Variants in DMXL2 observed in about 807,000 individuals in gnomAD.
The protein encoded by DMXL2 is dmX-like protein 2.
DMXL2 carries 103 observed loss-of-function variants against 331.1 expected under a neutral mutation model. The ratio of observed to expected loss-of-function variants is 0.31; its 90% CI spans 0.27 to 0.37. The LOEUF is 0.37. Ranked by LOEUF, DMXL2 falls within the 10% of genes least tolerant of loss-of-function variation. The probability of loss-of-function intolerance (pLI) is 1.00; values close to 1 mark genes in which losing one functional copy is unlikely to be tolerated. For synonymous variants in DMXL2, 1,281 were observed against 1,252.1 expected (o/e 1.02, Z -0.49); for missense variants, 3,171 against 3,642.9 (o/e 0.87, Z 3.33).
chr15:51,478,250 T>C (rs371255172), intron 26 of DMXL2, 21 bp downstream of exon 26: 29 of 1,510,878 alleles, frequency 1.9e-5, no homozygotes, highest in Non-Finnish European at 2.4e-5. Context: ...ATTAATACTA[T>C]TTTGGGTGAT....
intron 27 of DMXL2, among the ~76,000 whole-genome samples, chr15:51,474,913 T>G (rs1203737588): frequency 6.6e-6 from 1 of 152,148 alleles, no homozygotes; most frequent in African/African-American, 2.4e-5. Context: ...CAGTAATACC[T>G]GATTCAGGCA....
chr15:51,457,512 T>A (rs1168018872), intron 36 of DMXL2, 46 bp from the exon 37 acceptor site: 1 of 1,596,834 alleles, frequency 6.3e-7, no homozygotes, highest in Non-Finnish European at 8.5e-7. Flanking sequence ...CCTTTTCTCT[T>A]AACACAAATT....
chr15:51,469,630 A>G (rs1362615743), intron 29 of DMXL2, among the ~76,000 whole-genome samples: 21 of 152,196 alleles, frequency 1.4e-4, no homozygotes, highest in Admixed American at 2.6e-4. Flanking sequence ...TTCAGAACAT[A>G]TATCAGGAGG....
intron 29 of DMXL2, among the ~76,000 whole-genome samples, chr15:51,467,341 C>A (rs2040675858): frequency 6.6e-6 from 1 of 151,840 alleles, no homozygotes; most frequent in Admixed American, 6.6e-5. Flanking sequence ...ACTTCAAATG[C>A]ATAATAAACA....
Position 51,565,163 on chromosome 15 carries a change from G to C in DMXL2, c.289C>G (p.Leu97Val). The change falls in exon 4 of 44, where the codon CTC becomes GTC. Residue 97 changes from leucine (L) to valine (V), a missense_variant. By Grantham distance (32) the Leu-to-Val change is conservative. Transcript: ENST00000560891. Reference sequence around the variant, plus strand: ...CCAGTTTTAAGCCACTGGCACTTGAGTTGCTGAAATACGTAGACAAAAAGA... The same window carrying C: ...CCAGTTTTAAGCCACTGGCACTTGACTTGCTGAAATACGTAGACAAAAAGA... Reference protein sequence around the residue: ...GINSHKRNCQLKCQWLKTGQF... With the variant: ...GINSHKRNCQVKCQWLKTGQF... The C allele has an allele frequency of 6.4e-7, 1 of 1,569,060 alleles. No homozygotes were observed. The highest frequency in any genetic ancestry group is 8.6e-7 in the Non-Finnish European group (1 of 1,160,532).
chr15:51,618,238 T>C (rs1434516221), intron 1 of DMXL2, among the ~76,000 whole-genome samples: 2 of 152,202 alleles, frequency 1.3e-5, no homozygotes, highest in Non-Finnish European at 2.9e-5. Context: ...ATGTGTCTTT[T>C]ACTCTCGTAT....
At chr15:51,455,946 C>T in intron 39 of DMXL2, 120 bp downstream of exon 39, 1 of 1,178,086 alleles carries the variant, frequency 8.5e-7, no homozygotes, top group Non-Finnish European at 1.2e-6. Flanking sequence ...CTCCAACAAA[C>T]TGTCTACTCA....
chr15:51,478,616 C>T (rs1343898670), intron 25 of DMXL2, among the ~76,000 whole-genome samples: 2 of 152,000 alleles, frequency 1.3e-5, no homozygotes, highest in Non-Finnish European at 2.9e-5. Flanking sequence ...GAGCAAAGTG[C>T]TAATGTTCAT....
chr15:51,551,311 A>G (rs1302703773), intron 6 of DMXL2, among the ~76,000 whole-genome samples: 4 of 152,154 alleles, frequency 2.6e-5, no homozygotes, highest in Non-Finnish European at 5.9e-5. Context: ...AACTCTTAGG[A>G]TAACTGGATA....
intron 1 of DMXL2, among the ~76,000 whole-genome samples, chr15:51,596,682 CAAT>C (rs1308029740): frequency 6.6e-6 from 1 of 152,136 alleles, no homozygotes; most frequent in African/African-American, 2.4e-5. Context: ...AAATGTCCAA[CAAT>C]GATAGACTGG....
At chr15:51,476,566 T>C (rs376563934) in intron 27 of DMXL2, 23 bp downstream of exon 27, 3 of 1,591,614 alleles carry the variant, frequency 1.9e-6, no homozygotes, top group Non-Finnish European at 2.6e-6. Flanking sequence ...AGATTTTTTT[T>C]TTTTAATCAT....
intron 13 of DMXL2, 126 bp downstream of exon 13, chr15:51,535,537 G>A (rs2048240957): frequency 1.3e-6 from 1 of 791,984 alleles, no homozygotes; most frequent in Non-Finnish European, 1.9e-6. Context: ...TCATATATAT[G>A]TCATATGCAG....
chr15:51,498,383 C>T (rs908619941), intron 18 of DMXL2, among the ~76,000 whole-genome samples, 169 bp downstream of exon 18: 8 of 152,168 alleles, frequency 5.3e-5, no homozygotes, highest in Non-Finnish European at 1.0e-4. Flanking sequence ...CCGGCCTCAA[C>T]CGTCTTTTCT....
At chr15:51,491,317 T>G (rs574576472) in intron 20 of DMXL2, among the ~76,000 whole-genome samples, 1 of 152,226 alleles carries the variant, frequency 6.6e-6, no homozygotes, top group African/African-American at 2.4e-5. Flanking sequence ...GGCGCACGCC[T>G]GTAGTCCCAG....
intron 6 of DMXL2, among the ~76,000 whole-genome samples, chr15:51,555,485 C>A (rs949803338): frequency 6.6e-6 from 1 of 152,010 alleles, no homozygotes; most frequent in African/African-American, 2.4e-5. Flanking sequence ...CTAGAAGAGC[C>A]CTGGGCACTC....
In DMXL2 at chr15:51,494,712, A is replaced by G. The variant is rs535901245; in HGVS notation, c.4783+312T>C. Among the ~76,000 whole-genome samples the G allele has an allele frequency of 2.6e-5, 4 of 152,288 alleles. No individual in the cohort carries two copies. The East Asian group carries it at 7.7e-4, about 29-fold the overall frequency. Reference sequence around the variant, plus strand: ...TTACATAATTTTTCAAAGAAAAGACATCAAGATATTCAGGGCTACTCTGTA... The same window carrying G: ...TTACATAATTTTTCAAAGAAAAGACGTCAAGATATTCAGGGCTACTCTGTA... On this transcript the variant is annotated intron_variant, in intron 19 of 43. Coordinates refer to ENST00000560891, the MANE Select transcript of DMXL2 (RefSeq NM_001378457.1).
chr15:51,622,522 G>T lies in DMXL2; in HGVS notation c.24C>A (p.Thr8=). MHLHQVL[T]GAVNPGDNCY... Reference sequence around the variant, plus strand: ...AGTTGTCTCCAGGGTTGACAGCTCCGGTGAGGACCTGATGCAGATGCATCT... The same window carrying T: ...AGTTGTCTCCAGGGTTGACAGCTCCTGTGAGGACCTGATGCAGATGCATCT... The change falls in exon 1 of 44, where the codon ACC becomes ACA. Residue 8 remains threonine (T), a synonymous_variant. Transcript: ENST00000560891. 1 of 1,561,744 alleles carries T rather than the reference G, an allele frequency of 6.4e-7. No homozygotes were observed. The highest frequency in any genetic ancestry group is 8.7e-7 in the Non-Finnish European group (1 of 1,152,432).
chr15:51,594,597 CAG>C (rs1179681537), intron 1 of DMXL2, among the ~76,000 whole-genome samples: 1 of 152,098 alleles, frequency 6.6e-6, no homozygotes, highest in Non-Finnish European at 1.5e-5. Context: ...CAAAGCCTGG[CAG>C]AGACACAACA....
chr15:51,517,870 A>G (rs2047123905), intron 13 of DMXL2, among the ~76,000 whole-genome samples: 1 of 152,244 alleles, frequency 6.6e-6, no homozygotes, highest in Non-Finnish European at 1.5e-5. Flanking sequence ...GGAGTTGTAG[A>G]AACTTTCTTA....
Sources: gnomAD v4.1 joint callset for allele counts (sites outside exome capture counted in the v4.1 genomes callset) on GRCh38, gnomAD v4.1.1 for gene constraint, MANE v1.5 for transcripts, NCBI Gene and HGNC (gene_info 2026-07-23, HGNC 2026-07-21) for gene names.